Variants in DOCK10 observed in about 807,000 individuals in gnomAD.
The protein encoded by DOCK10 is dedicator of cytokinesis 10, also known as dedicator of cytokinesis protein 10.
Under a neutral mutation model 280.1 loss-of-function variants are expected in DOCK10, and 145 were observed. The ratio of observed to expected loss-of-function variants is 0.52; its 90% CI spans 0.45 to 0.59. DOCK10 has a LOEUF of 0.59. Among genes scored for constraint, DOCK10 ranks in the 20% least tolerant of loss-of-function variants. DOCK10 has a pLI of 0.00. For synonymous variants in DOCK10, 915 were observed against 942.2 expected (o/e 0.97, Z 0.53); for missense variants, 2,368 against 2,651.7 (o/e 0.89, Z 2.35).
chr2:224,921,103 AAAAAAAAAAATATAT>A (rs1179136432), intron 2 of DOCK10, among the ~76,000 whole-genome samples: 2 of 59,384 alleles, frequency 3.4e-5, no homozygotes, highest in African/African-American at 1.3e-4. Flanking sequence ...AAAAAAAAAA[AAAAAAAAAAATATAT>A]ATATATATAT....
chr2:224,851,458 T>TA (rs765444040), intron 18 of DOCK10, among the ~76,000 whole-genome samples: 21,644 of 139,200 alleles, frequency 0.16, 1,910 homozygotes, highest in African/African-American at 0.23. Flanking sequence ...TTTTTTTTTT[T>TA]AAAAAAAAAA....
chr2:225,003,184 C>T (rs1339938986), intron 1 of DOCK10, among the ~76,000 whole-genome samples: 1 of 152,068 alleles, frequency 6.6e-6, no homozygotes, highest in Non-Finnish European at 1.5e-5. Context: ...GTAGCTGGGA[C>T]TATGTGTGTA....
intron 16 of DOCK10, 80 bp downstream of exon 16, chr2:224,854,883 C>T (rs1004373322): frequency 5.3e-6 from 6 of 1,138,070 alleles, no homozygotes; most frequent in Non-Finnish European, 7.5e-6. Flanking sequence ...AACCAACCAA[C>T]CAACCAACCA....
intron 14 of DOCK10, chr2:224,862,040 G>A (rs1697536083): frequency 6.6e-6 from 1 of 152,290 alleles, no homozygotes; most frequent in Non-Finnish European, 1.5e-5. Flanking sequence ...CATAATTGAT[G>A]ATTAAACAGT....
rs1196156703 is a variant in DOCK10 at position 224,792,943 on chromosome 2, A to G, written c.5311+31T>C. On this transcript the variant is annotated intron_variant, in intron 47 of 55. Transcript: ENST00000258390. ...TGAGCAGCAAGTGGATTTCCTCTGC[A>G]TTGGGATAAATGAGCAGTTAGGTCA... 5 of 1,506,018 alleles carry G rather than the reference A, an allele frequency of 3.3e-6. No homozygotes were observed. In the African/African-American group the frequency reaches 6.9e-5, roughly 21 times the overall value. 93.3% of individuals were successfully genotyped at this position (1,506,018 alleles called of 1,614,324 possible).
intron 42 of DOCK10, 98 bp from the exon 43 acceptor site, chr2:224,797,244 T>A: frequency 4.1e-5 from 15 of 367,726 alleles, no homozygotes; most frequent in Non-Finnish European, 5.3e-5. Flanking sequence ...ATCCCTCTCC[T>A]TTTTTTTTTT....
intron 1 of DOCK10, among the ~76,000 whole-genome samples, chr2:225,039,686 TTCTCTCTCTCTC>T (rs5839087): frequency 1.3e-5 from 2 of 150,082 alleles, no homozygotes; most frequent in African/African-American, 4.9e-5. Flanking sequence ...GCTTCCTGTC[TTCTCTCTCTCTC>T]TCTCTCTCTC....
intron 27 of DOCK10, among the ~76,000 whole-genome samples, chr2:224,828,733 G>T (rs1051747707): frequency 1.3e-5 from 2 of 152,172 alleles, no homozygotes; most frequent in African/African-American, 4.8e-5. Flanking sequence ...GGGGCTGTGA[G>T]TATCATGACA....
chr2:224,984,240 A>G (rs371558427), intron 1 of DOCK10, among the ~76,000 whole-genome samples: 100 of 152,336 alleles, frequency 6.6e-4, no homozygotes, highest in Middle Eastern at 3.4e-3. Flanking sequence ...CCCAGTTAGA[A>G]ACTGGAGAGA....
In DOCK10 at chr2:224,867,075, TACACACACAC is replaced by T. The variant is rs61496329; in HGVS notation, c.1258-1998_1258-1989del. Among the ~76,000 whole-genome samples, 1,014 of 144,346 alleles carry T rather than the reference TACACACACAC, an allele frequency of 7.0e-3. 11 individuals are homozygous for T. The highest frequency in any genetic ancestry group is 0.023 in the African/African-American group (906 of 38,828). 94.7% of individuals were successfully genotyped at this position (144,346 alleles called of 152,430 possible). On this transcript the variant is annotated intron_variant, in intron 11 of 55. Coordinates refer to ENST00000258390, the MANE Select transcript of DOCK10 (RefSeq NM_014689.3). ...CCTCCGATCATACAGAGCTAAGAAATACACACACACACACACACACACACACACACACAAA... is the reference window on the plus strand; with the variant it reads ...CCTCCGATCATACAGAGCTAAGAAATACACACACACACACACACACACAAA...
chr2:225,017,400 G>A (rs1689640553), intron 1 of DOCK10, among the ~76,000 whole-genome samples: 1 of 147,942 alleles, frequency 6.8e-6, no homozygotes, highest in Non-Finnish European at 1.5e-5. Context: ...ACTAGAGAAA[G>A]GCAAAGAGAG....
intron 1 of DOCK10, among the ~76,000 whole-genome samples, chr2:224,958,038 A>G (rs1283164976): frequency 6.6e-6 from 1 of 152,150 alleles, no homozygotes; most frequent in Non-Finnish European, 1.5e-5. Flanking sequence ...CTTGCCAGGT[A>G]CCTCTGGGTG....
chr2:225,016,099 C>G (rs1427303258), intron 1 of DOCK10, among the ~76,000 whole-genome samples: 1 of 152,156 alleles, frequency 6.6e-6, no homozygotes, highest in Non-Finnish European at 1.5e-5. Context: ...TAATGTGCTG[C>G]TCTATTATGG....
chr2:224,767,880 T>G (rs1338321399), intron 55 of DOCK10, among the ~76,000 whole-genome samples: 1 of 151,834 alleles, frequency 6.6e-6, no homozygotes, highest in African/African-American at 2.4e-5. Flanking sequence ...TATTTCCTTT[T>G]TATATTTTGA....
chr2:224,973,715 T>C (rs963780563), intron 1 of DOCK10, among the ~76,000 whole-genome samples: 1 of 152,106 alleles, frequency 6.6e-6, no homozygotes. Context: ...ACAGCAGAAA[T>C]AGGAAACTAA....
chr2:224,905,858 G>T (rs879639990), intron 3 of DOCK10, among the ~76,000 whole-genome samples: 45 of 152,044 alleles, frequency 3.0e-4, no homozygotes, highest in Non-Finnish European at 5.3e-4. Flanking sequence ...TGAGAGTGTG[G>T]CTCAGGGACC....
intron 50 of DOCK10, among the ~76,000 whole-genome samples, chr2:224,785,731 C>G (rs1326689705): frequency 6.6e-6 from 1 of 152,222 alleles, no homozygotes; most frequent in South Asian, 2.1e-4. Flanking sequence ...CCGCCCGCCT[C>G]AGCCTCTCAA....
At chr2:224,963,419 G>C (rs1704558339) in intron 1 of DOCK10, among the ~76,000 whole-genome samples, 1 of 152,172 alleles carries the variant, frequency 6.6e-6, no homozygotes, top group Non-Finnish European at 1.5e-5. Context: ...AAATTTTGAA[G>C]GTAGTAATAA....
chr2:224,844,261 GC>G (rs1696176848), intron 22 of DOCK10, among the ~76,000 whole-genome samples: 1 of 152,152 alleles, frequency 6.6e-6, no homozygotes, highest in African/African-American at 2.4e-5. Context: ...CTCCCAAGTG[GC>G]TGGGATTACA....
Sources: gnomAD v4.1 joint callset for allele counts (sites outside exome capture counted in the v4.1 genomes callset) on GRCh38, gnomAD v4.1.1 for gene constraint, MANE v1.5 for transcripts, NCBI Gene and HGNC (gene_info 2026-07-23, HGNC 2026-07-21) for gene names.